The following CC2D1A variants were observed in gnomAD, a reference collection of about 807,000 sequenced individuals.
The protein encoded by CC2D1A is coiled-coil and C2 domain containing 1A.
A neutral mutation model predicts 123.8 loss-of-function variants in CC2D1A; 68 were observed. The ratio of observed to expected loss-of-function variants is 0.55; its 90% CI spans 0.45 to 0.67. The LOEUF is 0.67. CC2D1A is among the 30% of genes least tolerant of loss of function. CC2D1A has a pLI of 0.00. For synonymous variants in CC2D1A, 477 were observed against 528.0 expected (o/e 0.90, Z 1.32); for missense variants, 1,185 against 1,290.3 (o/e 0.92, Z 1.25).
chr19:13,912,560 GA>G lies in CC2D1A; in HGVS notation c.347del (p.Lys116ArgfsTer82). The G allele has an allele frequency of 6.2e-7, 1 of 1,614,122 alleles. No individual in the cohort carries two copies. Among genetic ancestry groups the G allele is most frequent in the South Asian group, 1.1e-5 (1 of 91,084 alleles). ...ELNEVLGEEQKASETPPPVAQ... is the reference protein window; with the variant it reads ...ELNEVLGEEQXASETPPPVAQ... Reference sequence around the variant, plus strand: ...TAAATGAGGTCCTTGGAGAGGAGCAGAAGGCTTCAGAGACCCCACCTCCTGT... The same window carrying G: ...TAAATGAGGTCCTTGGAGAGGAGCAGAGGCTTCAGAGACCCCACCTCCTGT... On this transcript the variant is annotated frameshift_variant, in exon 4 of 29. Coordinates refer to ENST00000318003, the MANE Select transcript of CC2D1A (RefSeq NM_017721.5). LOFTEE classifies it high-confidence loss of function.
chr19:13,927,783 GA>G (rs375146906), intron 22 of CC2D1A, 109 bp from the exon 23 acceptor site: 5,783 of 875,888 alleles, frequency 6.6e-3, no homozygotes, highest in Non-Finnish European at 7.5e-3. Flanking sequence ...CTCTATCTCA[GA>G]AAAAAAAAAA....
rs751951266 is a variant in CC2D1A, at chr19:13,929,627, C to G, written c.2677C>G (p.Gln893Glu). The change falls in exon 26 of 29, where the codon CAG becomes GAG. Residue 893 changes from glutamine to glutamate, a missense_variant. Physicochemically the swap from Gln to Glu is conservative, Grantham distance 29. Coordinates refer to ENST00000318003, the MANE Select transcript of CC2D1A (RefSeq NM_017721.5). ...IMQRSQWQRAQLEQGGVGIRR... is the reference protein window; with the variant it reads ...IMQRSQWQRAELEQGGVGIRR... ...GCAACGCAGCCAGTGGCAGAGGGCA[C>G]AGCTGGAGCAGGGGGGTGTGGGCAT... The G allele has an allele frequency of 1.0e-5, 16 of 1,570,590 alleles. No individual in the cohort carries two copies. Among genetic ancestry groups the G allele is most frequent in the Middle Eastern group, 3.3e-4 (2 of 6,028 alleles).
chr19:13,927,783 G>GAAAA, intron 22 of CC2D1A, 110 bp from the exon 23 acceptor site: 1 of 890,452 alleles, frequency 1.1e-6, no homozygotes, highest in Non-Finnish European at 1.6e-6. Flanking sequence ...CTCTATCTCA[G>GAAAA]AAAAAAAAAA....
chr19:13,912,674 A>G (rs1258274847), intron 4 of CC2D1A, 81 bp downstream of exon 4: 2 of 1,418,326 alleles, frequency 1.4e-6, no homozygotes, highest in East Asian at 4.6e-5. Flanking sequence ...TTTTTATGAG[A>G]TGGAGTCTTG....
At chr19:13,917,239 G>A (rs1405170725) in intron 6 of CC2D1A, among the ~76,000 whole-genome samples, 2 of 152,096 alleles carry the variant, frequency 1.3e-5, no homozygotes, top group South Asian at 4.1e-4. Context: ...GGAAGCTGAG[G>A]TGGGAGGATC....
chr19:13,918,047 C>T, intron 6 of CC2D1A, 23 bp from the exon 7 acceptor site: 2 of 1,612,450 alleles, frequency 1.2e-6, no homozygotes, highest in Non-Finnish European at 1.7e-6. Context: ...TGGAGGCTTC[C>T]TGTATGTTGT....
At chr19:13,910,352 G>A (rs1970957310) in intron 2 of CC2D1A, among the ~76,000 whole-genome samples, 1 of 147,630 alleles carries the variant, frequency 6.8e-6, no homozygotes. Flanking sequence ...AGCTTGCAGT[G>A]AGCCGAGATC....
chr19:13,913,139 A>C, intron 4 of CC2D1A, 29 bp from the exon 5 acceptor site: 1 of 1,576,174 alleles, frequency 6.3e-7, no homozygotes. Flanking sequence ...TGGGGTCACC[A>C]CCCACACTGT....
At chr19:13,909,402 T>G (rs1374117432) in intron 1 of CC2D1A, among the ~76,000 whole-genome samples, 2 of 151,572 alleles carry the variant, frequency 1.3e-5, no homozygotes, top group African/African-American at 4.8e-5. Context: ...CAAAAAACTT[T>G]TTTTTTTTTT....
intron 22 of CC2D1A, chr19:13,927,560 C>T (rs760114521): frequency 1.3e-5 from 6 of 467,834 alleles, no homozygotes; most frequent in East Asian, 7.9e-5. Context: ...GGGCAGATCA[C>T]GAGGTCAGGA....
At chr19:13,924,768 C>T (rs368824005) in intron 17 of CC2D1A, among the ~76,000 whole-genome samples, 1 of 152,242 alleles carries the variant, frequency 6.6e-6, no homozygotes, top group East Asian at 1.9e-4. Context: ...CCATTTTCTC[C>T]ACTTTCTAAA....
intron 11 of CC2D1A, among the ~76,000 whole-genome samples, chr19:13,919,464 C>T (rs1039952226): frequency 6.6e-6 from 1 of 152,080 alleles, no homozygotes; most frequent in Non-Finnish European, 1.5e-5. Flanking sequence ...ACCGGCTGGA[C>T]GAGGTGGTCA....
At chr19:13,927,506 T>C in intron 22 of CC2D1A, 2 of 532,976 alleles carry the variant, frequency 3.8e-6, no homozygotes, top group Non-Finnish European at 3.4e-6. Flanking sequence ...TGGCCAGGCA[T>C]GGTGGCTCAT....
Position 13,918,827 on chromosome 19 carries a change from G to C in CC2D1A, c.1018+10G>C. 1 of 1,612,978 alleles carries C rather than the reference G, an allele frequency of 6.2e-7. No individual in the cohort carries two copies. Among genetic ancestry groups the C allele is most frequent in the Non-Finnish European group, 8.5e-7 (1 of 1,179,508 alleles). On this transcript the variant is annotated intron_variant, in intron 9 of 28. Coordinates refer to ENST00000318003, the MANE Select transcript of CC2D1A (RefSeq NM_017721.5). ...GCGCCCTCCACAACAGGTAGGTTCT[G>C]GGACCCTCTGGGGTTGGGGGCAGGC...
chr19:13,918,240 C>T (rs1197786986), intron 7 of CC2D1A, 46 bp downstream of exon 7: 1 of 1,487,308 alleles, frequency 6.7e-7, no homozygotes, highest in East Asian at 2.5e-5. Flanking sequence ...GGGCAGGATG[C>T]TTCCCACGTG....
At chr19:13,918,877 G>C in intron 9 of CC2D1A, 35 bp from the exon 10 acceptor site, 1 of 1,607,976 alleles carries the variant, frequency 6.2e-7, no homozygotes, top group Non-Finnish European at 8.5e-7. Flanking sequence ...CTACCCATCC[G>C]TTGACTCTTA....
Position 13,930,318 on chromosome 19 carries a change from G to C in CC2D1A, c.2835+29G>C. The C allele has an allele frequency of 1.2e-6, 2 of 1,613,896 alleles. No homozygotes were observed. Among genetic ancestry groups the C allele is most frequent in the Non-Finnish European group, 1.7e-6 (2 of 1,179,862 alleles). ...AGCAGCTTAGGAGATGGGGTGGTTG[G>C]GGGATCACTGTGGTCGTAGCCCACC... On this transcript the variant is annotated intron_variant, in intron 28 of 28. Coordinates refer to ENST00000318003, the MANE Select transcript of CC2D1A (RefSeq NM_017721.5). This position sits in a 1 kb window ranked among gnomAD's most constrained non-coding sequence, Gnocchi z 6.8.
intron 6 of CC2D1A, among the ~76,000 whole-genome samples, chr19:13,917,491 A>C (rs1021417433): frequency 6.6e-6 from 1 of 152,148 alleles, no homozygotes; most frequent in Non-Finnish European, 1.5e-5. Flanking sequence ...TCACACCTGT[A>C]ATCCTACTTT....
chr19:13,926,426 C>A, intron 17 of CC2D1A, 91 bp from the exon 18 acceptor site: 1 of 1,242,988 alleles, frequency 8.0e-7, no homozygotes, highest in Non-Finnish European at 1.1e-6. Flanking sequence ...TGTTCCCTGC[C>A]CCCACTGGGG....
Sources: allele counts gnomAD v4.1 joint callset (sites outside exome capture counted in the v4.1 genomes callset), GRCh38; gene constraint gnomAD v4.1.1; non-coding constraint Gnocchi (gnomAD v3.1); transcripts MANE v1.5; gene names NCBI Gene and HGNC (gene_info 2026-07-23, HGNC 2026-07-21).